PLXNA4: variants seen among roughly 807,000 people sequenced by gnomAD.
The protein encoded by PLXNA4 is plexin-A4.
In PLXNA4, 44 loss-of-function variants were observed where a neutral mutation model predicts 191.8. The ratio of observed to expected loss-of-function variants is 0.23; its 90% confidence interval spans 0.18 to 0.29. The LOEUF is 0.29. PLXNA4 is among the 10% of genes least tolerant of loss of function. The pLI is 1.00. For missense variants in PLXNA4, 1,800 were observed against 2,488.8 expected (o/e 0.72, Z 5.89); for synonymous variants, 1,082 against 1,009.5 (o/e 1.07, Z -1.36).
intron 24 of PLXNA4, among the ~76,000 whole-genome samples, chr7:132,160,514 G>A (rs1795918526): frequency 1.3e-5 from 2 of 152,086 alleles, no homozygotes; most frequent in African/African-American, 2.4e-5. Context: ...CTACATCGAC[G>A]GCACCGTGTG....
At chr7:132,365,673 G>A (rs1174696456) in intron 3 of PLXNA4, among the ~76,000 whole-genome samples, 2 of 152,180 alleles carry the variant, frequency 1.3e-5, no homozygotes, top group Non-Finnish European at 1.5e-5. Context: ...GCACACAAGA[G>A]GAGATTCAGA....
At chr7:132,421,268 GAATGT>G (rs1794841750) in intron 3 of PLXNA4, among the ~76,000 whole-genome samples, 2 of 152,200 alleles carry the variant, frequency 1.3e-5, no homozygotes, top group Non-Finnish European at 2.9e-5. Flanking sequence ...GCATGTGTCA[GAATGT>G]CCTTCTTTTT....
chr7:132,528,389 G>C (rs1038534632), intron 1 of PLXNA4, among the ~76,000 whole-genome samples: 1 of 152,176 alleles, frequency 6.6e-6, no homozygotes, highest in Non-Finnish European at 1.5e-5. Flanking sequence ...ATTCCCAACT[G>C]TATTCAGGAG....
At chr7:132,524,238 G>T (rs1425109130) in intron 1 of PLXNA4, among the ~76,000 whole-genome samples, 1 of 152,320 alleles carries the variant, frequency 6.6e-6, no homozygotes, top group East Asian at 1.9e-4. Flanking sequence ...GTCAATGAAA[G>T]AATTTTACTT....
Position 132,292,121 on chromosome 7 carries a change from G to A in PLXNA4, c.1503+5970C>T, listed in dbSNP as rs139007968. Among the ~76,000 whole-genome samples the A allele has an allele frequency of 5.2e-3, 788 of 152,292 alleles. 2 individuals are homozygous for A. Among genetic ancestry groups the A allele is most frequent in the Non-Finnish European group, 8.1e-3 (551 of 68,032 alleles). On this transcript the variant is annotated intron_variant, in intron 4 of 31. Coordinates refer to ENST00000321063, the MANE Select transcript of PLXNA4 (RefSeq NM_020911.2). ...CCAGGAAAGTTTCAAACAGCAGTGG[G>A]GAGTCAAAGTTAGTTGATCTCTCTG...
At chr7:132,132,463 TTCTGCTCTGCTCTGCTCTGCTCTGC>T (rs1196484529) in intron 31 of PLXNA4, among the ~76,000 whole-genome samples, 2,232 of 65,482 alleles carry the variant, frequency 0.034, 134 homozygotes, top group Admixed American at 0.071. Flanking sequence ...TTCTGTTCTG[TTCTGCTCTGCTCTGCTCTGCTCTGC>T]TCTATTCTTT....
rs71178034 is a variant in PLXNA4, at chr7:132,311,193, T to TGTGTGTGTGTGCGCGCGC, written c.1372-12972_1372-12971insGCGCGCGCACACACACAC. On this transcript the variant is annotated intron_variant, in intron 3 of 31. Transcript: ENST00000321063. The stretch of plus-strand genomic sequence containing the variant: ...GTGTGTGTGTGTGTGTGTGTGTGTG[T>TGTGTGTGTGTGCGCGCGC]GCGCGTGTGGCCTAAAGGAGGGTCA... 3.3e-5 allele frequency among the ~76,000 whole-genome samples: 3 copies of TGTGTGTGTGTGCGCGCGC among 89,828 alleles called. 1 individual carries two copies. The highest frequency in any genetic ancestry group is 1.2e-4 in the African/African-American group (3 of 25,874). 58.9% of individuals were successfully genotyped at this position (89,828 alleles called of 152,430 possible).
At position 132,203,384 on chromosome 7, in the gene PLXNA4, G is replaced by A. The variant is rs185081521; in HGVS notation, c.2334C>T (p.Pro778=). 793 of 1,614,174 alleles carry A rather than the reference G, an allele frequency of 4.9e-4. 6 individuals are homozygous for A. The African/African-American group carries it at 9.3e-3, about 19-fold the overall frequency. The change falls in exon 11 of 32, where the codon CCC becomes CCT. Residue 778 remains proline (P), a synonymous_variant. Coordinates refer to ENST00000321063, the MANE Select transcript of PLXNA4 (RefSeq NM_020911.2). ...SYEGMEINNL[P]VELTVVWNGH... ...CATTCCACACGACTGTCAACTCCACGGGCAGGTTGTTGATCTCCATCCCTT... is the reference window on the plus strand; with the variant it reads ...CATTCCACACGACTGTCAACTCCACAGGCAGGTTGTTGATCTCCATCCCTT...
At position 132,416,232 on chromosome 7, in the gene PLXNA4, A is replaced by T. The variant is rs548830185; in HGVS notation, c.1371+73060T>A. ...CAGCTGGAGGAAGGATGGCATTAAC[A>T]TGTGAGTTCTTCCCATCTAGAAAGG... On this transcript the variant is annotated intron_variant, in intron 3 of 31. Coordinates refer to ENST00000321063, the MANE Select transcript of PLXNA4 (RefSeq NM_020911.2). 2.4e-4 allele frequency among the ~76,000 whole-genome samples: 36 copies of T among 152,356 alleles called. No homozygotes were observed. In the South Asian group the frequency reaches 7.0e-3, roughly 30 times the overall value.
chr7:132,534,316 C>T (rs927209481), intron 1 of PLXNA4, among the ~76,000 whole-genome samples: 3 of 152,158 alleles, frequency 2.0e-5, no homozygotes, highest in African/African-American at 7.2e-5. Flanking sequence ...CCAGGGCCAC[C>T]GCCCCTACTA....
chr7:132,394,183 G>C (rs1793649673), intron 3 of PLXNA4, among the ~76,000 whole-genome samples: 1 of 152,146 alleles, frequency 6.6e-6, no homozygotes, highest in South Asian at 2.1e-4. Context: ...TACAGCCCCT[G>C]GGCCGGGATG....
In PLXNA4 at chr7:132,508,780, C is replaced by T. The variant is rs571904126; in HGVS notation, c.-86-1G>A. 8.4e-6 allele frequency: 12 copies of T among 1,436,912 alleles called. No individual in the cohort carries two copies. In the South Asian group the frequency reaches 1.3e-4, roughly 16 times the overall value. 89.0% of individuals were successfully genotyped at this position (1,436,912 alleles called of 1,614,324 possible). On this transcript the variant is annotated splice_acceptor_variant, in intron 1 of 31. Transcript: ENST00000321063. LOFTEE classifies it low-confidence loss of function (5UTR_SPLICE). This position sits in a 1 kb window ranked among gnomAD's most constrained non-coding sequence, Gnocchi z 4.4. The stretch of plus-strand genomic sequence containing the variant: ...GGACTCAGCAATGCAGTCTCCCCTA[C>T]TGGAGAAAGGGAAGACAATGAGCTG...
At chr7:132,549,314 C>T (rs1800450596) in intron 1 of PLXNA4, among the ~76,000 whole-genome samples, 1 of 152,150 alleles carries the variant, frequency 6.6e-6, no homozygotes, top group South Asian at 2.1e-4. Context: ...CTATCATCAT[C>T]CCACCTAAGA....
chr7:132,532,836 C>T (rs1339067164), intron 1 of PLXNA4, among the ~76,000 whole-genome samples: 1 of 152,196 alleles, frequency 6.6e-6, no homozygotes, highest in Non-Finnish European at 1.5e-5. Flanking sequence ...GTTCCCTTTA[C>T]CTAAGATTCC....
chr7:132,285,655 C>T (rs1800656624), intron 4 of PLXNA4, among the ~76,000 whole-genome samples: 2 of 152,214 alleles, frequency 1.3e-5, no homozygotes, highest in African/African-American at 4.8e-5. Flanking sequence ...GCTAACTAGT[C>T]ATCGTGAACA....
intron 3 of PLXNA4, among the ~76,000 whole-genome samples, chr7:132,362,860 T>C (rs1383283498): frequency 1.3e-5 from 2 of 152,220 alleles, no homozygotes; most frequent in Non-Finnish European, 2.9e-5. Flanking sequence ...GCTACCTCTT[T>C]TATTGTAGTA....
At chr7:132,170,624 C>G (rs898136793) in intron 21 of PLXNA4, among the ~76,000 whole-genome samples, 3 of 152,334 alleles carry the variant, frequency 2.0e-5, no homozygotes, top group Admixed American at 1.3e-4. Context: ...TGGCAGGAGG[C>G]CGGGTTCAGT....
intron 4 of PLXNA4, among the ~76,000 whole-genome samples, chr7:132,257,374 A>G (rs962674840): frequency 6.6e-6 from 1 of 152,218 alleles, no homozygotes; most frequent in Non-Finnish European, 1.5e-5. Context: ...CATGACACAC[A>G]TCTCCAAATA....
At chr7:132,237,461 G>C (rs992479991) in intron 5 of PLXNA4, among the ~76,000 whole-genome samples, 2 of 152,180 alleles carry the variant, frequency 1.3e-5, no homozygotes, top group African/African-American at 4.8e-5. Context: ...TTGCCAGGGG[G>C]CTCTCCTTGG....
Sources: allele counts gnomAD v4.1 joint callset (sites outside exome capture counted in the v4.1 genomes callset), GRCh38; gene constraint gnomAD v4.1.1; non-coding constraint Gnocchi (gnomAD v3.1); transcripts MANE v1.5; gene names NCBI Gene and HGNC (gene_info 2026-07-23, HGNC 2026-07-21).